E2F3: variants seen among roughly 807,000 people sequenced by gnomAD.
E2F3 encodes the protein E2F transcription factor 3.
E2F3 carries 11 observed loss-of-function variants against 44.4 expected under a neutral mutation model. The observed-to-expected ratio is 0.25, with a 90% CI of 0.16 to 0.41. The LOEUF (loss-of-function observed/expected upper bound fraction) is 0.41. Ranked by LOEUF, E2F3 falls within the 10% of genes least tolerant of loss-of-function variation. The probability of loss-of-function intolerance (pLI) is 1.00; values close to 1 mark genes in which losing one functional copy is unlikely to be tolerated. For missense variants in E2F3, 487 were observed against 583.6 expected (o/e 0.83, Z 1.70); for synonymous variants, 249 against 253.0 (o/e 0.98, Z 0.15).
intron 1 of E2F3, among the ~76,000 whole-genome samples, chr6:20,429,275 G>A (rs568221550): frequency 5.3e-4 from 80 of 152,162 alleles, no homozygotes; most frequent in African/African-American, 1.9e-3. Flanking sequence ...CCTTATCCAC[G>A]GTGTTGCTTT....
At chr6:20,440,352 A>G (rs7767016) in intron 1 of E2F3, among the ~76,000 whole-genome samples, 4,246 of 152,322 alleles carry the variant, frequency 0.028, 193 homozygotes, top group African/African-American at 0.096. Flanking sequence ...TTCCAAAGGA[A>G]CAAATGGTTG....
chr6:20,419,892 GTC>G (rs1333613466), intron 1 of E2F3, among the ~76,000 whole-genome samples: 1 of 152,096 alleles, frequency 6.6e-6, no homozygotes, highest in Middle Eastern at 3.2e-3. Flanking sequence ...TTGAGACAGA[GTC>G]TCATTCTGTT....
intron 2 of E2F3, 81 bp from the exon 3 acceptor site, chr6:20,481,125 C>A: frequency 7.6e-7 from 1 of 1,318,614 alleles, no homozygotes; most frequent in South Asian, 1.3e-5. Context: ...GGAAAGAGAG[C>A]TTGCTTGACT....
chr6:20,428,497 A>G (rs947338144), intron 1 of E2F3, among the ~76,000 whole-genome samples: 52 of 152,316 alleles, frequency 3.4e-4, no homozygotes, highest in Admixed American at 2.0e-3. Context: ...TGCTGGGATT[A>G]CAGACGTGAG....
At chr6:20,445,719 A>C (rs1160863284) in intron 1 of E2F3, among the ~76,000 whole-genome samples, 2 of 152,238 alleles carry the variant, frequency 1.3e-5, no homozygotes, top group Non-Finnish European at 2.9e-5. Context: ...AGATATCATG[A>C]AAGCAATTTG....
intron 1 of E2F3, among the ~76,000 whole-genome samples, chr6:20,479,005 T>C (rs1472738973): frequency 3.9e-5 from 6 of 152,230 alleles, no homozygotes; most frequent in African/African-American, 1.2e-4. Flanking sequence ...CTATCTTGCT[T>C]ACTAAGCCCA....
intron 1 of E2F3, among the ~76,000 whole-genome samples, chr6:20,429,748 ATGT>A (rs1299722529): frequency 6.6e-6 from 1 of 151,672 alleles, no homozygotes; most frequent in Non-Finnish European, 1.5e-5. Context: ...ACCCACATTG[ATGT>A]TTTATCTTCT....
intron 1 of E2F3, among the ~76,000 whole-genome samples, chr6:20,449,560 A>G (rs1761058424): frequency 1.3e-5 from 2 of 152,194 alleles, no homozygotes; most frequent in South Asian, 4.1e-4. Context: ...TAAGGGGATC[A>G]GGATTTGGGC....
At position 20,484,405 on chromosome 6, in the gene E2F3, GT is replaced by G. The variant is rs940920503; in HGVS notation, c.884+1490del. Among the ~76,000 whole-genome samples the G allele has an allele frequency of 2.6e-5, 4 of 152,210 alleles. No individual in the cohort carries two copies. In the East Asian group the frequency reaches 7.7e-4, roughly 29 times the overall value. On this transcript the variant is annotated intron_variant, in intron 4 of 6. Coordinates refer to ENST00000346618, the MANE Select transcript of E2F3 (RefSeq NM_001949.5). Reference sequence around the variant, plus strand: ...CAGCATGTTGAGTAATCGTAGATGAGTTTTTCTTTTACACTTGATCTTAGCC... The same window carrying G: ...CAGCATGTTGAGTAATCGTAGATGAGTTTTCTTTTACACTTGATCTTAGCC...
chr6:20,417,398 A>G (rs534683637), intron 1 of E2F3, among the ~76,000 whole-genome samples: 2 of 152,224 alleles, frequency 1.3e-5, no homozygotes, highest in African/African-American at 2.4e-5. Flanking sequence ...TTTGGATTAC[A>G]TACAGTCTGA....
chr6:20,475,019 C>G (rs1159981713), intron 1 of E2F3, among the ~76,000 whole-genome samples: 1 of 152,232 alleles, frequency 6.6e-6, no homozygotes, highest in African/African-American at 2.4e-5. Flanking sequence ...AAGTCCACCC[C>G]AAGTTCCACC....
chr6:20,418,997 C>T (rs1318007627), intron 1 of E2F3, among the ~76,000 whole-genome samples: 3 of 152,092 alleles, frequency 2.0e-5, no homozygotes, highest in Non-Finnish European at 4.4e-5. Context: ...ACAGCTTGGC[C>T]TTTCCTTTTT....
chr6:20,486,640 A>T lies in E2F3; in HGVS notation c.885-49A>T, dbSNP rs779957845. 3.0e-6 allele frequency: 3 copies of T among 1,008,666 alleles called. No homozygotes were observed. The South Asian group carries it at 4.2e-5, about 14-fold the overall frequency. The allele number at this position is 1,008,666 out of a possible 1,614,324, so 62.5% of individuals were successfully genotyped here. On this transcript the variant is annotated intron_variant, in intron 4 of 6. Transcript: ENST00000346618. ...ATGCATCTATTTTGTCATTTTCATCATACTTATATCTGAGGTAATTAGATG... is the reference window on the plus strand; with the variant it reads ...ATGCATCTATTTTGTCATTTTCATCTTACTTATATCTGAGGTAATTAGATG...
intron 1 of E2F3, among the ~76,000 whole-genome samples, chr6:20,465,203 C>G (rs892251550): frequency 3.3e-5 from 5 of 152,204 alleles, no homozygotes; most frequent in Admixed American, 1.3e-4. Flanking sequence ...GCCAAGACAC[C>G]TTTGCTGTCT....
At chr6:20,467,219 C>A (rs1337385131) in intron 1 of E2F3, among the ~76,000 whole-genome samples, 3 of 152,126 alleles carry the variant, frequency 2.0e-5, no homozygotes, top group African/African-American at 7.2e-5. Context: ...ATTAAAGGGG[C>A]GCCCCTAATC....
chr6:20,472,934 G>A (rs781328884), intron 1 of E2F3, among the ~76,000 whole-genome samples: 1 of 152,228 alleles, frequency 6.6e-6, no homozygotes, highest in East Asian at 1.9e-4. Context: ...TTCTGATAAG[G>A]TCTAACTCGG....
chr6:20,407,191 G>T (rs962578337), intron 1 of E2F3, among the ~76,000 whole-genome samples: 4 of 152,158 alleles, frequency 2.6e-5, no homozygotes, highest in Non-Finnish European at 2.9e-5. Flanking sequence ...GAGATATATG[G>T]TTGATGCCAA....
chr6:20,450,367 T>C (rs1761089046), intron 1 of E2F3, among the ~76,000 whole-genome samples: 2 of 152,236 alleles, frequency 1.3e-5, no homozygotes, highest in Admixed American at 6.5e-5. Context: ...ATTTTTCTAA[T>C]GATCAGTGAC....
At chr6:20,468,283 T>A (rs1203047098) in intron 1 of E2F3, among the ~76,000 whole-genome samples, 1 of 152,244 alleles carries the variant, frequency 6.6e-6, no homozygotes, top group Non-Finnish European at 1.5e-5. Context: ...GTTTTACCTG[T>A]GCCTCTGGCC....
Sources: allele counts gnomAD v4.1 joint callset (sites outside exome capture counted in the v4.1 genomes callset), GRCh38; gene constraint gnomAD v4.1.1; transcripts MANE v1.5; gene names NCBI Gene and HGNC (gene_info 2026-07-23, HGNC 2026-07-21).